Variants in SCYL2 observed in about 807,000 individuals in gnomAD.
The protein encoded by SCYL2 is SCY1 like pseudokinase 2, also known as SCY1-like protein 2.
A neutral mutation model predicts 100.4 loss-of-function variants in SCYL2; 36 were observed. The ratio of observed to expected loss-of-function variants is 0.36; its 90% CI spans 0.27 to 0.47. The LOEUF is 0.47. Among genes scored for constraint, SCYL2 ranks in the 20% least tolerant of loss-of-function variants. The probability of loss-of-function intolerance (pLI) is 1.00; values close to 1 mark genes in which losing one functional copy is unlikely to be tolerated. For synonymous variants in SCYL2, 330 were observed against 359.2 expected (o/e 0.92, Z 0.92); for missense variants, 902 against 1,083.9 (o/e 0.83, Z 2.36).
chr12:100,316,290 A>T (rs1173662828), intron 9 of SCYL2, among the ~76,000 whole-genome samples: 2 of 152,198 alleles, frequency 1.3e-5, no homozygotes, highest in East Asian at 3.9e-4. Context: ...TGCTAGATTG[A>T]AGGTAATGTT....
intron 2 of SCYL2, among the ~76,000 whole-genome samples, chr12:100,287,184 A>G (rs552992094): frequency 2.6e-4 from 39 of 152,348 alleles, no homozygotes; most frequent in African/African-American, 8.2e-4. Context: ...ACACATTACT[A>G]TAAATCATGT....
In SCYL2 at chr12:100,267,303, A is replaced by G; in HGVS notation, c.-518A>G. 1 of 494,130 alleles carries G rather than the reference A, an allele frequency of 2.0e-6. No individual in the cohort carries two copies. The highest frequency in any genetic ancestry group is 3.5e-5 in the East Asian group (1 of 28,894). The allele number at this position is 494,130 out of a possible 1,614,324, so 30.6% of individuals were successfully genotyped here. On this transcript the variant is annotated 5_prime_UTR_variant, in exon 1 of 18. Transcript: ENST00000360820. ...TGGAGTAAAGCCAGAGTCAGTGGCC[A>G]GGCACGAAGGCAGAGCAGGAACAGC...
At position 100,338,466 on chromosome 12, in the gene SCYL2, T is replaced by A; in HGVS notation, c.2146-62T>A. The stretch of plus-strand genomic sequence containing the variant: ...CCTTTATAATTTAATCTGTCAAATG[T>A]TTACTAATTATAAAGTAATTTATAT... On this transcript the variant is annotated intron_variant, in intron 17 of 17. Coordinates refer to ENST00000360820, the MANE Select transcript of SCYL2 (RefSeq NM_017988.6). 3 of 1,322,652 alleles carry A rather than the reference T, an allele frequency of 2.3e-6. No homozygotes were observed. In the South Asian group the frequency reaches 4.5e-5, roughly 20 times the overall value. 81.9% of individuals were successfully genotyped at this position (1,322,652 alleles called of 1,614,324 possible).
At chr12:100,309,106 T>TTG (rs143410251) in intron 4 of SCYL2, among the ~76,000 whole-genome samples, 9,507 of 148,086 alleles carry the variant, frequency 0.064, 407 homozygotes, top group African/African-American at 0.13. Flanking sequence ...GTATTTTGAT[T>TTG]TGTGTGTGTG....
At chr12:100,294,862 G>T (rs1247699919) in intron 3 of SCYL2, among the ~76,000 whole-genome samples, 2 of 151,740 alleles carry the variant, frequency 1.3e-5, no homozygotes, top group African/African-American at 2.4e-5. Context: ...TTTCCCAGAC[G>T]GGGTGGCTGC....
chr12:100,311,474 T>G (rs890101456), intron 5 of SCYL2, among the ~76,000 whole-genome samples: 3 of 152,110 alleles, frequency 2.0e-5, no homozygotes, highest in African/African-American at 4.8e-5. Flanking sequence ...ATAACACATG[T>G]GACTCTCTAG....
Position 100,339,308 on chromosome 12 carries a change from C to CATACAACTACT in SCYL2, c.*138_*139insACAACTACTAT. 1 of 846,664 alleles carries CATACAACTACT rather than the reference C, an allele frequency of 1.2e-6. No homozygotes were observed. The highest frequency in any genetic ancestry group is 1.8e-6 in the Non-Finnish European group (1 of 556,536). 52.4% of individuals were successfully genotyped at this position (846,664 alleles called of 1,614,324 possible). On this transcript the variant is annotated 3_prime_UTR_variant, in exon 18 of 18. Transcript: ENST00000360820. ...TTCTGTGACAGGAAACATCTCTGTCCATGCCAGCATAGTAGTTGTATGGAC... is the reference window on the plus strand; with the variant it reads ...TTCTGTGACAGGAAACATCTCTGTCCATACAACTACTATGCCAGCATAGTAGTTGTATGGAC...
intron 1 of SCYL2, among the ~76,000 whole-genome samples, chr12:100,271,279 A>T (rs1030270417): frequency 2.6e-5 from 4 of 150,948 alleles, no homozygotes; most frequent in African/African-American, 7.3e-5. Flanking sequence ...AAAAAAAAAA[A>T]AAAGAGAGAG....
At chr12:100,317,195 T>C (rs1021483232) in intron 9 of SCYL2, among the ~76,000 whole-genome samples, 1 of 152,176 alleles carries the variant, frequency 6.6e-6, no homozygotes, top group Admixed American at 6.5e-5. Flanking sequence ...GTATGTTCCT[T>C]ATAATTTAGG....
chr12:100,339,499 C>T lies in SCYL2; in HGVS notation c.*327C>T, dbSNP rs1211196762. On this transcript the variant is annotated 3_prime_UTR_variant, in exon 18 of 18. Transcript: ENST00000360820. Reference sequence around the variant, plus strand: ...CAAATGTTTATTTTGGCTTGTGGATCTTGGTGTTATTTAAAAAATTGAGGT... The same window carrying T: ...CAAATGTTTATTTTGGCTTGTGGATTTTGGTGTTATTTAAAAAATTGAGGT... 3.7e-6 allele frequency: 1 copy of T among 272,414 alleles called. No homozygotes were observed. The highest frequency in any genetic ancestry group is 9.1e-5 in the East Asian group (1 of 11,022). 16.9% of individuals were successfully genotyped at this position (272,414 alleles called of 1,614,324 possible). A position where few individuals can be genotyped will look rare whatever the true frequency, so the allele number is the denominator to read the frequency against.
intron 4 of SCYL2, among the ~76,000 whole-genome samples, chr12:100,305,818 G>A (rs1444033807): frequency 2.0e-5 from 3 of 149,638 alleles, no homozygotes; most frequent in African/African-American, 7.4e-5. Context: ...AAATGATAAA[G>A]GGGATATCAC....
At chr12:100,278,808 T>G (rs1169493239) in intron 1 of SCYL2, among the ~76,000 whole-genome samples, 1 of 152,008 alleles carries the variant, frequency 6.6e-6, no homozygotes, top group Non-Finnish European at 1.5e-5. Flanking sequence ...TTTTGTATTT[T>G]TAGTAGAGAT....
At position 100,291,541 on chromosome 12, in the gene SCYL2, C is replaced by T; in HGVS notation, c.216C>T (p.Asp72=). The T allele has an allele frequency of 6.3e-7, 1 of 1,578,370 alleles. No homozygotes were observed. Among genetic ancestry groups the T allele is most frequent in the Non-Finnish European group, 8.6e-7 (1 of 1,167,506 alleles). The change falls in exon 3 of 18, where the codon GAC becomes GAT. Residue 72 remains aspartate, a synonymous_variant. Coordinates refer to ENST00000360820, the MANE Select transcript of SCYL2 (RefSeq NM_017988.6). ...AVFVFDKKLI[D]KYQKFEKDQI... ...TTGTCTTTGATAAAAAACTGATTGA[C>T]AAGTATCAAAAATTTGAAAAGGATC...
chr12:100,297,859 GA>G (rs1365308175), intron 3 of SCYL2, among the ~76,000 whole-genome samples, 171 bp from the exon 4 acceptor site: 4 of 152,118 alleles, frequency 2.6e-5, no homozygotes, highest in Non-Finnish European at 5.9e-5. Context: ...TTTGTATGCA[GA>G]GGCTCCTAAC....
At chr12:100,310,006 G>GTT (rs140370696) in intron 4 of SCYL2, among the ~76,000 whole-genome samples, 6,160 of 148,382 alleles carry the variant, frequency 0.042, 456 homozygotes, top group African/African-American at 0.14. Flanking sequence ...CTTTTATTTT[G>GTT]TTTTTTTTTG....
intron 7 of SCYL2, among the ~76,000 whole-genome samples, chr12:100,313,787 A>C (rs530143443): frequency 6.6e-6 from 1 of 152,340 alleles, no homozygotes; most frequent in East Asian, 1.9e-4. Context: ...TAAGATTTCA[A>C]ATAAGCAGAG....
At chr12:100,337,673 C>A (rs932157661) in intron 17 of SCYL2, among the ~76,000 whole-genome samples, 167 bp downstream of exon 17, 1 of 152,090 alleles carries the variant, frequency 6.6e-6, no homozygotes, top group Non-Finnish European at 1.5e-5. Flanking sequence ...TCAGCTATAA[C>A]CTGCCTAATG....
intron 3 of SCYL2, among the ~76,000 whole-genome samples, chr12:100,293,353 T>C (rs1198901110): frequency 1.3e-5 from 2 of 152,148 alleles, no homozygotes; most frequent in Admixed American, 6.5e-5. Flanking sequence ...TGTAATACTA[T>C]TGTGAATCCT....
In SCYL2 at chr12:100,278,559, C is replaced by T. The variant is rs190256911; in HGVS notation, c.-28-4384C>T. Among the ~76,000 whole-genome samples the T allele has an allele frequency of 5.5e-3, 840 of 151,418 alleles. 8 individuals carry two copies. The highest frequency in any genetic ancestry group is 0.029 in the South Asian group (138 of 4,804). On this transcript the variant is annotated intron_variant, in intron 1 of 17. Transcript: ENST00000360820. ...CTGTAGAATTCTAGGCTGACAGTTT[C>T]GTTTAGCAGTTTAAAGACCTCATTC...
Sources: allele counts gnomAD v4.1 joint callset (sites outside exome capture counted in the v4.1 genomes callset), GRCh38; gene constraint gnomAD v4.1.1; transcripts MANE v1.5; gene names NCBI Gene and HGNC (gene_info 2026-07-23, HGNC 2026-07-21).